The following RSRP1 variants were observed in gnomAD, a reference collection of about 807,000 sequenced individuals.
RSRP1 encodes arginine/serine-rich protein 1.
A neutral mutation model predicts 33.0 loss-of-function variants in RSRP1; 37 were observed. The observed-to-expected ratio is 1.12, with a 90% CI of 0.86 to 1.48. The LOEUF (loss-of-function observed/expected upper bound fraction) is 1.48. Ranked by LOEUF, RSRP1 falls within the 40% of genes most tolerant of loss-of-function variation. The probability of loss-of-function intolerance (pLI) is 0.00; values close to 1 mark genes in which losing one functional copy is unlikely to be tolerated. For missense variants in RSRP1, 402 were observed against 385.3 expected, an observed-to-expected ratio of 1.04 and a Z score of -0.36; for synonymous variants, 167 against 158.7, an observed-to-expected ratio of 1.05 and a Z score of -0.40.
At position 25,286,252 on chromosome 1, in the gene RSRP1, A is replaced by G. The variant is rs1171025232; in HGVS notation, c.-66-39223T>C. 4.4e-5 allele frequency among the ~76,000 whole-genome samples: 6 copies of G among 135,270 alleles called. 1 individual carries two copies. In the East Asian group the frequency reaches 7.7e-4, roughly 17 times the overall value. 88.7% of individuals were successfully genotyped at this position (135,270 alleles called of 152,430 possible). A position where few individuals can be genotyped will look rare whatever the true frequency, so the allele number is the denominator to read the frequency against. On this transcript the variant is annotated intron_variant, in intron 1 of 1. Transcript: ENST00000561867. ...ACCTGTAATCCCAGTACTTTTGGGAACCGAGGTGGGCAGATCACTTGAGCC... is the reference window on the plus strand; with the variant it reads ...ACCTGTAATCCCAGTACTTTTGGGAGCCGAGGTGGGCAGATCACTTGAGCC...
Position 25,329,395 on chromosome 1 carries a change from C to G in RSRP1, c.-67+8583G>C, listed in dbSNP as rs544946241. 3.1e-4 allele frequency: 90 copies of G among 289,816 alleles called. 17 individuals are homozygous for G. Among genetic ancestry groups the G allele is most frequent in the Admixed American group, 6.5e-4 (13 of 20,130 alleles). 18.0% of individuals were successfully genotyped at this position (289,816 alleles called of 1,614,324 possible). A position where few individuals can be genotyped will look rare whatever the true frequency, so the allele number is the denominator to read the frequency against. On this transcript the variant is annotated intron_variant, in intron 1 of 1. Coordinates refer to the RSRP1 transcript ENST00000561867. ...AAGTAGCTGGGATTACAGGCACCCA[C>G]CACATCTGGCTAATTTTTTGTATTT...
intron 1 of RSRP1, among the ~76,000 whole-genome samples, chr1:25,264,320 G>C (rs2517983): frequency 7.2e-5 from 11 of 152,000 alleles, no homozygotes; most frequent in African/African-American, 2.7e-4. Context: ...TTCTGACTGG[G>C]CATCCAGGCA....
intron 1 of RSRP1, among the ~76,000 whole-genome samples, chr1:25,278,315 A>C (rs1373442479): frequency 7.7e-6 from 1 of 130,696 alleles, no homozygotes; most frequent in East Asian, 2.0e-4. Context: ...TGATATGTTC[A>C]TTCTGGGCTT....
chr1:25,248,819 GC>G (rs1168968496), upstream of RSRP1, among the ~76,000 whole-genome samples: 5 of 152,126 alleles, frequency 3.3e-5, no homozygotes, highest in Admixed American at 2.6e-4. Flanking sequence ...AGAAACCTTT[GC>G]CGAAAGTTCT....
intron 1 of RSRP1, among the ~76,000 whole-genome samples, chr1:25,288,545 T>C (rs1393815256): frequency 1.6e-5 from 2 of 125,854 alleles, no homozygotes; most frequent in East Asian, 2.0e-4. Flanking sequence ...ATAATAGCAA[T>C]AACCAACTCC....
At chr1:25,284,252 T>G (rs1641758318) in intron 1 of RSRP1, among the ~76,000 whole-genome samples, 1 of 136,138 alleles carries the variant, frequency 7.3e-6, no homozygotes, top group African/African-American at 2.5e-5. Flanking sequence ...ACGTGTGCTT[T>G]ACACTTGTTC....
At chr1:25,260,501 G>A (rs895770351) in intron 1 of RSRP1, among the ~76,000 whole-genome samples, 1 of 152,138 alleles carries the variant, frequency 6.6e-6, no homozygotes, top group African/African-American at 2.4e-5. Context: ...AGGGGAAGGA[G>A]GCTGTGTGTA....
intron 4 of RSRP1, 82 bp from the exon 5 acceptor site, chr1:25,242,787 A>G (rs1638958530): frequency 1.0e-6 from 1 of 966,470 alleles, no homozygotes; most frequent in Non-Finnish European, 1.6e-6. Context: ...AAATAATCCC[A>G]TGTATGAGCC....
In RSRP1 at chr1:25,246,896, C is replaced by A. The variant is rs909590611; in HGVS notation, c.68G>T (p.Arg23Leu). 1.2e-6 allele frequency: 2 copies of A among 1,605,132 alleles called. No individual in the cohort carries two copies. Among genetic ancestry groups the A allele is most frequent in the African/African-American group, 2.7e-5 (2 of 74,718 alleles). Reference sequence around the variant, plus strand: ...CGACAGCCGGCTGGACCCGCCCGACCGCGAGGTCGAGGGCGAATCCTTCTC... The same window carrying A: ...CGACAGCCGGCTGGACCCGCCCGACAGCGAGGTCGAGGGCGAATCCTTCTC... ...PQEKDSPSTS[R>L]SGGSSRLSSR... The change falls in exon 2 of 5, where the codon CGG becomes CTG. Residue 23 changes from arginine (R) to leucine (L), a missense_variant. Transcript: ENST00000243189.
rs557787886 is a variant in RSRP1, at chr1:25,273,588, T to C, written c.-66-26559A>G. Among the ~76,000 whole-genome samples the C allele has an allele frequency of 4.7e-4, 42 of 90,050 alleles. 7 individuals carry two copies. Among genetic ancestry groups the C allele is most frequent in the Non-Finnish European group, 8.6e-4 (32 of 37,032 alleles). The allele number at this position is 90,050 out of a possible 152,430, so 59.1% of individuals were successfully genotyped here. ...TCTATAAATCCAGAACCAGAAGGTA[T>C]GGCTGAAGGGGAGGGTAGGATGATG... On this transcript the variant is annotated intron_variant, in intron 1 of 1. Coordinates refer to the RSRP1 transcript ENST00000561867.
rs62621068 is a variant in RSRP1, at chr1:25,284,627, G to A, written c.-66-37598C>T. 76 of 1,389,052 alleles carry A rather than the reference G, an allele frequency of 5.5e-5. 8 individuals are homozygous for A. Among genetic ancestry groups the A allele is most frequent in the South Asian group, 4.0e-4 (34 of 85,478 alleles). The allele number at this position is 1,389,052 out of a possible 1,614,324, so 86.0% of individuals were successfully genotyped here. On this transcript the variant is annotated intron_variant, in intron 1 of 1. Coordinates refer to the RSRP1 transcript ENST00000561867. ...ATTGGCTTGGGCTTCCTCACCTCGA[G>A]TTTCCGGAGACACAGCTGGAGCAGT...
At position 25,270,339 on chromosome 1, in the gene RSRP1, G is replaced by A. The variant is rs1454937026; in HGVS notation, c.-66-23310C>T. Among the ~76,000 whole-genome samples the A allele has an allele frequency of 2.3e-5, 3 of 130,076 alleles. 1 individual carries two copies. The highest frequency in any genetic ancestry group is 3.6e-5 in the Non-Finnish European group (2 of 55,244). 85.3% of individuals were successfully genotyped at this position (130,076 alleles called of 152,430 possible). ...GTCCCCAACCCCCAGGCTGTGGCCC[G>A]TTAGGAACCTGACCGCACAGCATGA... On this transcript the variant is annotated intron_variant, in intron 1 of 1. Coordinates refer to the RSRP1 transcript ENST00000561867.
At chr1:25,305,423 G>A (rs1643731204) in intron 1 of RSRP1, among the ~76,000 whole-genome samples, 1 of 126,886 alleles carries the variant, frequency 7.9e-6, no homozygotes, top group Non-Finnish European at 1.8e-5. Flanking sequence ...TTGAGACAGA[G>A]TCTCATTCTG....
rs1639436890 is a variant in RSRP1, at chr1:25,246,651, A to G, written c.313T>C (p.Tyr105His). Residue 105 changes from tyrosine (Y) to histidine (H), a missense_variant, in exon 2 of 5, where the codon TAC (tyrosine) becomes CAC (histidine). Coordinates refer to ENST00000243189, the MANE Select transcript of RSRP1 (RefSeq NM_020317.5). ...ERRYGFTRRY[Y>H]RSPSRYRSRS... ...GACCGGTACCGCGAAGGAGACCGGTAGTATCTCCTGGTGAACCCGTAGCGC... is the reference window on the plus strand; with the variant it reads ...GACCGGTACCGCGAAGGAGACCGGTGGTATCTCCTGGTGAACCCGTAGCGC... 6.2e-7 allele frequency: 1 copy of G among 1,613,994 alleles called. No individual in the cohort carries two copies. Among genetic ancestry groups the G allele is most frequent in the Non-Finnish European group, 8.5e-7 (1 of 1,180,012 alleles).
At chr1:25,338,004 T>C (rs585500) in exon 1 of RSRP1, 9 of 151,940 alleles carry the variant, frequency 5.9e-5, no homozygotes, top group African/African-American at 2.0e-4. Context: ...GACCCGGCAC[T>C]CTTCCTGCCA....
rs958522188 is a variant in RSRP1 at position 25,272,980 on chromosome 1, A to G, written c.-66-25951T>C. Among the ~76,000 whole-genome samples the G allele has an allele frequency of 2.0e-4, 26 of 132,332 alleles. 4 individuals are homozygous for G. The highest frequency in any genetic ancestry group is 6.7e-4 in the African/African-American group (26 of 38,762). 86.8% of individuals were successfully genotyped at this position (132,332 alleles called of 152,430 possible). ...AAATTCCCTCTACCAAATGGTCTTC[A>G]TAATTCTCTGCTTCTCTGCTTCCCC... On this transcript the variant is annotated intron_variant, in intron 1 of 1. Transcript: ENST00000561867.
chr1:25,243,791 T>C, intron 3 of RSRP1, 158 bp from the exon 4 acceptor site: 1 of 1,374,650 alleles, frequency 7.3e-7, no homozygotes, highest in Non-Finnish European at 9.4e-7. Context: ...AGTTTTCCCC[T>C]TAACAAAACT....
In RSRP1 at chr1:25,247,034, A is replaced by G. The variant is rs1024919717; in HGVS notation, c.-66-5T>C. 5.7e-6 allele frequency: 8 copies of G among 1,408,762 alleles called. No individual in the cohort carries two copies. Among genetic ancestry groups the G allele is most frequent in the Non-Finnish European group, 7.6e-6 (8 of 1,055,820 alleles). 87.3% of individuals were successfully genotyped at this position (1,408,762 alleles called of 1,614,324 possible). ...CAAGCCTCAACTCAGGACTTCCTAA[A>G]AAACCAAGAGAGAAAAAACAAGTCG... is the stretch of plus-strand genomic sequence containing the variant. On this transcript the variant is annotated splice_region_variant and splice_polypyrimidine_tract_variant and intron_variant, in intron 1 of 4. Coordinates refer to ENST00000243189, the MANE Select transcript of RSRP1 (RefSeq NM_020317.5).
At chr1:25,243,341 C>G (rs1268757100) in intron 4 of RSRP1, among the ~76,000 whole-genome samples, 2 of 152,072 alleles carry the variant, frequency 1.3e-5, no homozygotes, top group Non-Finnish European at 2.9e-5. Flanking sequence ...AAAAGAATGG[C>G]AAAATATCGG....
Sources: allele counts gnomAD v4.1 joint callset (sites outside exome capture counted in the v4.1 genomes callset), GRCh38; gene constraint gnomAD v4.1.1; transcripts MANE v1.5; gene names NCBI Gene and HGNC (gene_info 2026-07-23, HGNC 2026-07-21).